The following PTPN14 variants were observed in gnomAD, a reference collection of about 807,000 sequenced individuals.
PTPN14 encodes protein tyrosine phosphatase non-receptor type 14.
In PTPN14, 53 loss-of-function variants were observed where a neutral mutation model predicts 126.8. That is an observed-to-expected ratio of 0.42 (90% confidence interval 0.34 to 0.53). The LOEUF (loss-of-function observed/expected upper bound fraction) is 0.53. Among genes scored for constraint, PTPN14 ranks in the 20% least tolerant of loss-of-function variants. PTPN14 has a pLI of 0.08. For missense variants in PTPN14, 1,257 were observed against 1,552.9 expected (o/e 0.81, Z 3.20); for synonymous variants, 630 against 599.3 (o/e 1.05, Z -0.75).
At chr1:214,466,465 A>T (rs896352719) in intron 1 of PTPN14, among the ~76,000 whole-genome samples, 2 of 152,220 alleles carry the variant, frequency 1.3e-5, no homozygotes, top group African/African-American at 4.8e-5. Flanking sequence ...TTATAGTAAC[A>T]AGACTTACTG....
chr1:214,377,329 T>C (rs1040079477), intron 14 of PTPN14, among the ~76,000 whole-genome samples: 1 of 152,036 alleles, frequency 6.6e-6, no homozygotes, highest in African/African-American at 2.4e-5. Flanking sequence ...ATGATAAGAA[T>C]TTATGAACAC....
chr1:214,485,797 C>T (rs1322177849), intron 1 of PTPN14, among the ~76,000 whole-genome samples: 1 of 151,996 alleles, frequency 6.6e-6, no homozygotes, highest in Non-Finnish European at 1.5e-5. Context: ...GCGATCTCAG[C>T]TCACTGCAAG....
intron 1 of PTPN14, among the ~76,000 whole-genome samples, chr1:214,465,951 C>CTTTTTTTTTTTTTTTCTTTTTT (rs1660626303): frequency 1.7e-5 from 1 of 59,024 alleles, no homozygotes; most frequent in Admixed American, 3.2e-4. Flanking sequence ...CAGTTACTTC[C>CTTTTTTTTTTTTTTTCTTTTTT]TTTTTTTTTT....
At chr1:214,503,280 G>A (rs1654752703) in intron 1 of PTPN14, among the ~76,000 whole-genome samples, 1 of 152,186 alleles carries the variant, frequency 6.6e-6, no homozygotes. Flanking sequence ...ACATGTAAGA[G>A]ATAATCTGTC....
intron 8 of PTPN14, among the ~76,000 whole-genome samples, chr1:214,397,024 T>C (rs929558570): frequency 1.3e-5 from 2 of 152,198 alleles, no homozygotes; most frequent in Non-Finnish European, 2.9e-5. Context: ...ATAATGTCTC[T>C]ATTCAGAGAG....
chr1:214,390,994 G>T lies in PTPN14; in HGVS notation c.981C>A (p.Ser327=). The change falls in exon 11 of 19, where the codon TCC becomes TCA. Residue 327 remains serine, a synonymous_variant. Transcript: ENST00000366956. ...PIRRQPTWSR[S]SLPRQQPYIL... is the part of the protein sequence containing the mutation. ...CTGCAGCTTCTATACATACCAGAGAGGATCGGCTCCAGGTGGGCTGGCGTC... is the reference window on the plus strand; with the variant it reads ...CTGCAGCTTCTATACATACCAGAGATGATCGGCTCCAGGTGGGCTGGCGTC... 1 of 1,574,798 alleles carries T rather than the reference G, an allele frequency of 6.4e-7. No homozygotes were observed. Among genetic ancestry groups the T allele is most frequent in the Middle Eastern group, 1.7e-4 (1 of 5,946 alleles).
rs564901308 is a variant in PTPN14, at chr1:214,366,897, T to C, written c.3272-2222A>G. 8.5e-4 allele frequency among the ~76,000 whole-genome samples: 126 copies of C among 148,670 alleles called. 1 individual carries two copies. The highest frequency in any genetic ancestry group is 3.0e-3 in the African/African-American group (119 of 40,130). On this transcript the variant is annotated intron_variant, in intron 17 of 18. Coordinates refer to ENST00000366956, the MANE Select transcript of PTPN14 (RefSeq NM_005401.5). The stretch of plus-strand genomic sequence containing the variant: ...ACTCGGAGAGGCTGAGGCAGGAGAA[T>C]GGCGTGAACTCGGGAGGCGGAGTTT...
chr1:214,520,522 A>G (rs1655229604), intron 1 of PTPN14, among the ~76,000 whole-genome samples: 1 of 152,178 alleles, frequency 6.6e-6, no homozygotes, highest in Non-Finnish European at 1.5e-5. Flanking sequence ...GATGCCTGGA[A>G]TCTAAAAGAA....
intron 1 of PTPN14, chr1:214,483,439 G>A (rs921135494): frequency 2.2e-5 from 26 of 1,170,552 alleles, no homozygotes; most frequent in Middle Eastern, 2.6e-4. Flanking sequence ...GGGAGCGGGC[G>A]CACAAGCCTC....
intron 10 of PTPN14, among the ~76,000 whole-genome samples, chr1:214,391,589 G>A (rs911412294): frequency 6.6e-6 from 1 of 151,372 alleles, no homozygotes; most frequent in African/African-American, 2.4e-5. Flanking sequence ...TTTAAATGTA[G>A]AGATTAAAAA....
chr1:214,516,503 A>G (rs780299793), intron 1 of PTPN14, among the ~76,000 whole-genome samples: 8 of 152,232 alleles, frequency 5.3e-5, no homozygotes, highest in Non-Finnish European at 1.2e-4. Context: ...TTCCTATAAA[A>G]GCAGACAGTT....
intron 3 of PTPN14, among the ~76,000 whole-genome samples, chr1:214,428,874 A>G (rs370337843): frequency 7.9e-5 from 12 of 152,238 alleles, no homozygotes; most frequent in African/African-American, 1.9e-4. Flanking sequence ...TCTTTGCAGT[A>G]TAACTTGATC....
intron 9 of PTPN14, among the ~76,000 whole-genome samples, chr1:214,394,660 G>A (rs1231417932): frequency 2.0e-5 from 3 of 152,126 alleles, no homozygotes; most frequent in East Asian, 1.9e-4. Flanking sequence ...CACCGGCCTC[G>A]GCCTCCCAAA....
Position 214,357,901 on chromosome 1 carries a change from C to T in PTPN14, c.*21G>A. On this transcript the variant is annotated 3_prime_UTR_variant, in exon 19 of 19. Coordinates refer to ENST00000366956, the MANE Select transcript of PTPN14 (RefSeq NM_005401.5). ...AGCGCGATGGAGCTGGGTCCCTCCT[C>T]CAGGAGCTGGATTGGGGTGATTAAA... is the stretch of plus-strand genomic sequence containing the variant. The T allele has an allele frequency of 6.2e-7, 1 of 1,609,206 alleles. No individual in the cohort carries two copies. The highest frequency in any genetic ancestry group is 8.5e-7 in the Non-Finnish European group (1 of 1,176,878).
At chr1:214,508,620 C>T (rs1654898495) in intron 1 of PTPN14, among the ~76,000 whole-genome samples, 1 of 152,182 alleles carries the variant, frequency 6.6e-6, no homozygotes, top group African/African-American at 2.4e-5. Context: ...ATTTTAACCT[C>T]CTCTCGTGAA....
chr1:214,394,782 TC>T (rs1658838829), intron 9 of PTPN14, 116 bp downstream of exon 9: 2 of 893,144 alleles, frequency 2.2e-6, no homozygotes, highest in East Asian at 4.8e-5. Context: ...AGAAAGCATC[TC>T]TTCAAGGGAG....
intron 8 of PTPN14, 128 bp downstream of exon 8, chr1:214,397,785 A>G (rs1658920864): frequency 1.4e-6 from 1 of 719,306 alleles, no homozygotes; most frequent in Non-Finnish European, 2.3e-6. Flanking sequence ...GGCTCACCTT[A>G]TATGAGCTGA....
chr1:214,542,474 C>T (rs578254473), intron 1 of PTPN14, among the ~76,000 whole-genome samples: 179 of 152,238 alleles, frequency 1.2e-3, no homozygotes, highest in African/African-American at 3.9e-3. Flanking sequence ...TGGACAGTTA[C>T]AGGCAGGGAC....
intron 3 of PTPN14, among the ~76,000 whole-genome samples, chr1:214,416,829 T>C (rs1172744978): frequency 6.6e-6 from 1 of 152,228 alleles, no homozygotes; most frequent in African/African-American, 2.4e-5. Context: ...ATTATAATTC[T>C]ATCGAATATG....
Sources: allele counts gnomAD v4.1 joint callset (sites outside exome capture counted in the v4.1 genomes callset), GRCh38; gene constraint gnomAD v4.1.1; transcripts MANE v1.5; gene names NCBI Gene and HGNC (gene_info 2026-07-23, HGNC 2026-07-21).